FHOD3: variants seen among roughly 807,000 people sequenced by gnomAD.
The protein encoded by FHOD3 is FH1/FH2 domain-containing protein 3.
FHOD3 carries 90 observed loss-of-function variants against 173.0 expected under a neutral mutation model. The ratio of observed to expected loss-of-function variants is 0.52; its 90% CI spans 0.44 to 0.62. The LOEUF is 0.62. Among genes scored for constraint, FHOD3 ranks in the 20% least tolerant of loss-of-function variants. The pLI is 0.00. For synonymous variants in FHOD3, 828 were observed against 823.0 expected (o/e 1.01, Z -0.10); for missense variants, 1,945 against 2,034.7 (o/e 0.96, Z 0.85).
intron 1 of FHOD3, among the ~76,000 whole-genome samples, chr18:36,343,689 A>T (rs527770769): frequency 1.3e-5 from 2 of 152,168 alleles, no homozygotes; most frequent in South Asian, 2.1e-4. Flanking sequence ...GCCTTTTGTC[A>T]TGAGTGGAAG....
intron 1 of FHOD3, among the ~76,000 whole-genome samples, chr18:36,333,949 G>GA (rs2045159963): frequency 6.6e-6 from 1 of 152,148 alleles, no homozygotes; most frequent in Non-Finnish European, 1.5e-5. Context: ...TTCTCCATGT[G>GA]TACCTTTTGA....
intron 3 of FHOD3, among the ~76,000 whole-genome samples, chr18:36,481,020 GTTTTTTT>G (rs35793521): frequency 9.6e-6 from 1 of 104,472 alleles, no homozygotes; most frequent in Non-Finnish European, 1.8e-5. Context: ...TTGGGAGGTG[GTTTTTTT>G]TTTTTTTTTT....
At chr18:36,687,384 TGTC>T (rs1279504045) in intron 16 of FHOD3, among the ~76,000 whole-genome samples, 2 of 152,208 alleles carry the variant, frequency 1.3e-5, no homozygotes, top group Non-Finnish European at 2.9e-5. Flanking sequence ...TGGTTAAGTG[TGTC>T]TATTCCTTCA....
chr18:36,629,084 G>A (rs934845174), intron 10 of FHOD3, among the ~76,000 whole-genome samples: 4 of 152,198 alleles, frequency 2.6e-5, no homozygotes, highest in Non-Finnish European at 5.9e-5. Context: ...AATATACGTG[G>A]AAGAGTGACC....
At chr18:36,519,955 A>AT (rs11449846) in intron 5 of FHOD3, among the ~76,000 whole-genome samples, 61,973 of 131,880 alleles carry the variant, frequency 0.47, 14,913 homozygotes, top group South Asian at 0.59. Flanking sequence ...CTTTTCTTTC[A>AT]TTTTTTTTTT....
At chr18:36,427,286 TAAAAA>T (rs35854743) in intron 3 of FHOD3, among the ~76,000 whole-genome samples, 45 of 79,488 alleles carry the variant, frequency 5.7e-4, no homozygotes, top group African/African-American at 1.9e-3. Flanking sequence ...CTTGCTTCTC[TAAAAA>T]AAAAAAAAAA....
chr18:36,513,782 T>G (rs1378952190), intron 5 of FHOD3, among the ~76,000 whole-genome samples: 1 of 151,878 alleles, frequency 6.6e-6, no homozygotes, highest in African/African-American at 2.4e-5. Context: ...AAAAAAAAAT[T>G]AAGGTTGTCT....
chr18:36,508,339 T>C (rs751650599), intron 4 of FHOD3, among the ~76,000 whole-genome samples: 7 of 151,736 alleles, frequency 4.6e-5, no homozygotes, highest in Non-Finnish European at 7.4e-5. Context: ...AGCAACGAGA[T>C]TGTGGTCTGA....
chr18:36,778,362 G>C (rs2043841747), intron 28 of FHOD3: 1 of 152,196 alleles, frequency 6.6e-6, no homozygotes, highest in Non-Finnish European at 1.5e-5. Flanking sequence ...TAGGGATTTA[G>C]GGTGAAGGCA....
At chr18:36,427,079 T>C (rs546996166) in intron 3 of FHOD3, among the ~76,000 whole-genome samples, 1 of 152,290 alleles carries the variant, frequency 6.6e-6, no homozygotes, top group South Asian at 2.1e-4. Context: ...GAGACAGTGA[T>C]TAAGTTCTTC....
At chr18:36,314,221 A>G (rs2144757320) in intron 1 of FHOD3, among the ~76,000 whole-genome samples, 2 of 152,316 alleles carry the variant, frequency 1.3e-5, no homozygotes, top group Non-Finnish European at 2.9e-5. Flanking sequence ...CCCCTGCCTC[A>G]TGGCCTCATC....
chr18:36,629,052 C>T (rs1243700456), intron 10 of FHOD3, among the ~76,000 whole-genome samples: 1 of 152,230 alleles, frequency 6.6e-6, no homozygotes, highest in African/African-American at 2.4e-5. Context: ...TGCCATGCAG[C>T]TTTCAGTCAT....
chr18:36,581,983 G>A (rs893247436), intron 6 of FHOD3, among the ~76,000 whole-genome samples: 2 of 152,136 alleles, frequency 1.3e-5, no homozygotes, highest in Non-Finnish European at 2.9e-5. Context: ...TTGAGGACTA[G>A]CCTTCTAGGA....
intron 6 of FHOD3, among the ~76,000 whole-genome samples, chr18:36,578,244 C>T (rs1175505113): frequency 1.3e-5 from 2 of 152,098 alleles, no homozygotes; most frequent in Non-Finnish European, 2.9e-5. Context: ...CTGGGGAGGC[C>T]TCAAAATCAT....
chr18:36,333,170 G>A (rs571727048), intron 1 of FHOD3, among the ~76,000 whole-genome samples: 8 of 152,244 alleles, frequency 5.3e-5, no homozygotes, highest in Non-Finnish European at 8.8e-5. Flanking sequence ...TACCATAATC[G>A]GCAAAGAAAC....
At chr18:36,640,084 A>G (rs1177562482) in intron 10 of FHOD3, among the ~76,000 whole-genome samples, 1 of 152,218 alleles carries the variant, frequency 6.6e-6, no homozygotes, top group Non-Finnish European at 1.5e-5. Context: ...TGGCTTATGT[A>G]TTAAGGTACT....
intron 3 of FHOD3, among the ~76,000 whole-genome samples, chr18:36,382,592 CT>C (rs2047845836): frequency 6.6e-6 from 1 of 152,172 alleles, no homozygotes; most frequent in Non-Finnish European, 1.5e-5. Flanking sequence ...CTTGCTAAGT[CT>C]GATTAAAAGG....
At chr18:36,748,315 C>G (rs971682014) in intron 24 of FHOD3, among the ~76,000 whole-genome samples, 17 of 151,856 alleles carry the variant, frequency 1.1e-4, no homozygotes, top group Admixed American at 1.1e-3. Context: ...GTTTGGCCCT[C>G]CATGCTTTGT....
chr18:36,359,701 A>G (rs745749830), intron 2 of FHOD3, among the ~76,000 whole-genome samples: 2 of 152,186 alleles, frequency 1.3e-5, no homozygotes, highest in African/African-American at 2.4e-5. Flanking sequence ...GGTTAGGGAC[A>G]CAGGCTTTAC....
Sources: allele counts gnomAD v4.1 joint callset (sites outside exome capture counted in the v4.1 genomes callset), GRCh38; gene constraint gnomAD v4.1.1; transcripts MANE v1.5; gene names NCBI Gene and HGNC (gene_info 2026-07-23, HGNC 2026-07-21).